The following KIF16B variants were observed in gnomAD, a reference collection of about 807,000 sequenced individuals.
KIF16B encodes kinesin-like protein KIF16B.
A neutral mutation model predicts 156.3 loss-of-function variants in KIF16B; 98 were observed. The ratio of observed to expected loss-of-function variants is 0.63; its 90% confidence interval spans 0.53 to 0.74. The LOEUF (loss-of-function observed/expected upper bound fraction) is 0.74, where lower values mean the gene tolerates loss of function less well. Ranked by LOEUF, KIF16B falls within the 30% of genes least tolerant of loss-of-function variation. KIF16B has a pLI of 0.00. For synonymous variants in KIF16B, 564 were observed against 583.7 expected (o/e 0.97, Z 0.49); for missense variants, 1,421 against 1,606.5 (o/e 0.88, Z 1.97).
chr20:16,554,917 C>T (rs780876018), intron 1 of KIF16B, among the ~76,000 whole-genome samples: 12 of 152,348 alleles, frequency 7.9e-5, no homozygotes, highest in African/African-American at 1.4e-4. Context: ...GCAGTCAGCA[C>T]GCCTGGCTGT....
At chr20:16,443,857 C>T (rs1351692693) in intron 12 of KIF16B, among the ~76,000 whole-genome samples, 1 of 152,144 alleles carries the variant, frequency 6.6e-6, no homozygotes, top group South Asian at 2.1e-4. Flanking sequence ...ATAAGTAAAG[C>T]ATATGTGGCT....
rs181447427 is a variant in KIF16B, at chr20:16,491,222, G to A, written c.1302+3069C>T. Among the ~76,000 whole-genome samples the A allele has an allele frequency of 7.6e-4, 116 of 152,248 alleles. 1 individual carries two copies. Among genetic ancestry groups the A allele is most frequent in the East Asian group, 1.9e-4 (1 of 5,172 alleles). ...AAGACACCAGGAAACCCAAAGCCCC[G>A]GTGCACACACCAACCAGCAGCAGGG... On this transcript the variant is annotated intron_variant, in intron 12 of 25. Transcript: ENST00000354981.
chr20:16,483,388 C>T (rs16997684), intron 12 of KIF16B, among the ~76,000 whole-genome samples: 3,002 of 152,244 alleles, frequency 0.02, 104 homozygotes, highest in African/African-American at 0.069. Context: ...TGATAAAATA[C>T]GTCTAAGTAA....
At chr20:16,443,841 A>C (rs16997624) in intron 12 of KIF16B, among the ~76,000 whole-genome samples, 8,373 of 152,290 alleles carry the variant, frequency 0.055, 758 homozygotes, top group African/African-American at 0.19. Flanking sequence ...CATTAGAAAG[A>C]CTTTTATAAG....
At chr20:16,404,974 C>T (rs1484383496) in intron 16 of KIF16B, 73 bp from the exon 17 acceptor site, 6 of 1,037,112 alleles carry the variant, frequency 5.8e-6, no homozygotes, top group African/African-American at 1.6e-5. Flanking sequence ...CTCATTGCTT[C>T]CAACATGTGA....
At chr20:16,562,679 T>C (rs2071108504) in intron 1 of KIF16B, among the ~76,000 whole-genome samples, 1 of 152,360 alleles carries the variant, frequency 6.6e-6, no homozygotes, top group East Asian at 1.9e-4. Context: ...ACACGGTGAC[T>C]GGCTCTCAGA....
chr20:16,299,888 AAC>A (rs1251083113), intron 25 of KIF16B, among the ~76,000 whole-genome samples: 2 of 152,176 alleles, frequency 1.3e-5, no homozygotes, highest in African/African-American at 4.8e-5. Flanking sequence ...AATTTATACT[AAC>A]AGTTAAATCT....
chr20:16,524,534 T>TA (rs1259025414), intron 3 of KIF16B, among the ~76,000 whole-genome samples: 2 of 152,064 alleles, frequency 1.3e-5, no homozygotes, highest in Non-Finnish European at 2.9e-5. Flanking sequence ...CAACAGATGA[T>TA]AGAGAGGATG....
chr20:16,382,844 GA>G (rs2065131915), intron 17 of KIF16B, among the ~76,000 whole-genome samples: 1 of 151,704 alleles, frequency 6.6e-6, no homozygotes, highest in East Asian at 1.9e-4. Flanking sequence ...CTTGGCTACA[GA>G]AAAGTCACCA....
chr20:16,529,321 A>C (rs1478900589), intron 1 of KIF16B, among the ~76,000 whole-genome samples: 1 of 152,222 alleles, frequency 6.6e-6, no homozygotes, highest in Admixed American at 6.5e-5. Flanking sequence ...AAATAAAACA[A>C]GAGTTTCAAA....
intron 5 of KIF16B, among the ~76,000 whole-genome samples, chr20:16,512,231 C>T (rs915162178): frequency 6.6e-6 from 1 of 152,070 alleles, no homozygotes; most frequent in Non-Finnish European, 1.5e-5. Context: ...TGAATCTCCA[C>T]AATACCCAGA....
rs369924863 is a variant in KIF16B at position 16,536,114 on chromosome 20, A to G, written c.48-7674T>C. Among the ~76,000 whole-genome samples the G allele has an allele frequency of 1.2e-4, 19 of 152,352 alleles. No individual in the cohort carries two copies. In the South Asian group the frequency reaches 2.1e-3, roughly 17 times the overall value. ...TGTCCAACAATGAATGAACGGATCA[A>G]GAAAATGTAGTATATACACACACTA... On this transcript the variant is annotated intron_variant, in intron 1 of 25. Coordinates refer to ENST00000354981, the MANE Select transcript of KIF16B (RefSeq NM_024704.5).
At chr20:16,366,836 G>T in intron 22 of KIF16B, 1 of 1,070,892 alleles carries the variant, frequency 9.3e-7, no homozygotes, top group Non-Finnish European at 1.1e-6. Flanking sequence ...AAATCGACAC[G>T]AAAACAAACA....
intron 22 of KIF16B, chr20:16,367,078 T>C (rs1416430187): frequency 6.8e-7 from 1 of 1,466,472 alleles, no homozygotes; most frequent in African/African-American, 1.4e-5. Context: ...TTGCCTTGAC[T>C]GTTTTCACAA....
At chr20:16,416,986 T>C (rs940572329) in intron 15 of KIF16B, among the ~76,000 whole-genome samples, 1 of 152,100 alleles carries the variant, frequency 6.6e-6, no homozygotes, top group Non-Finnish European at 1.5e-5. Flanking sequence ...AGAGGAGCTG[T>C]AGTCCCCCAA....
intron 25 of KIF16B, among the ~76,000 whole-genome samples, chr20:16,310,751 T>C (rs2063607925): frequency 6.6e-6 from 1 of 152,196 alleles, no homozygotes; most frequent in Non-Finnish European, 1.5e-5. Flanking sequence ...ATCTTTTCCT[T>C]GAACACAAAT....
chr20:16,335,936 T>G lies in KIF16B; in HGVS notation c.3701A>C (p.Lys1234Thr). The stretch of plus-strand genomic sequence containing the variant: ...AATTTCATAACTTACCTCTGCATAC[T>G]TTAACTTCAATGTTTTATGCATTTC... The part of the protein sequence containing the change: ...FREMHKTLKL[K>T]YAELAALEFP... Residue 1234 changes from lysine (K) to threonine (T), a missense_variant, in exon 24 of 26, where the codon AAG becomes ACG. Transcript: ENST00000354981. 6.3e-7 allele frequency: 1 copy of G among 1,598,342 alleles called. No individual in the cohort carries two copies. The highest frequency in any genetic ancestry group is 8.6e-7 in the Non-Finnish European group (1 of 1,167,466).
At chr20:16,467,882 G>T (rs1417444431) in intron 12 of KIF16B, among the ~76,000 whole-genome samples, 2 of 151,954 alleles carry the variant, frequency 1.3e-5, no homozygotes, top group Non-Finnish European at 2.9e-5. Flanking sequence ...TGATATGCTA[G>T]GAAAGGAGAG....
chr20:16,366,820 C>T (rs1463412364), intron 22 of KIF16B: 212 of 1,051,198 alleles, frequency 2.0e-4, no homozygotes, highest in Non-Finnish European at 2.4e-4. Flanking sequence ...CAAGCCACCA[C>T]ACTATAAATC....
Sources: allele counts gnomAD v4.1 joint callset (sites outside exome capture counted in the v4.1 genomes callset), GRCh38; gene constraint gnomAD v4.1.1; transcripts MANE v1.5; gene names NCBI Gene and HGNC (gene_info 2026-07-23, HGNC 2026-07-21).